Variants in SV2C observed in about 807,000 individuals in gnomAD.
The protein encoded by SV2C is solute carrier family 22 member B3.
In SV2C, 49 loss-of-function variants were observed where a neutral mutation model predicts 79.7. That is an observed-to-expected ratio of 0.61 (90% CI 0.49 to 0.78). The LOEUF (loss-of-function observed/expected upper bound fraction) is 0.78. Ranked by LOEUF, SV2C falls within the 30% of genes least tolerant of loss-of-function variation. The pLI, the probability that SV2C is intolerant of heterozygous loss-of-function variation, is 0.00. For synonymous variants in SV2C, 334 were observed against 333.2 expected, an observed-to-expected ratio of 1.00 and a Z score of -0.03; for missense variants, 833 against 912.9, an observed-to-expected ratio of 0.91 and a Z score of 1.13.
chr5:76,094,065 T>C (rs1173101952), intron 1 of SV2C, among the ~76,000 whole-genome samples: 2 of 152,146 alleles, frequency 1.3e-5, no homozygotes, highest in Non-Finnish European at 2.9e-5. Flanking sequence ...GGCAAAATGG[T>C]GAGACTCTGT....
At chr5:76,315,511 T>A (rs1298804894) in intron 12 of SV2C, among the ~76,000 whole-genome samples, 2 of 152,048 alleles carry the variant, frequency 1.3e-5, no homozygotes, top group Non-Finnish European at 2.9e-5. Flanking sequence ...TGGTGCTGAG[T>A]GACTACAAAG....
At chr5:76,110,660 G>A (rs758373459) in intron 1 of SV2C, among the ~76,000 whole-genome samples, 3 of 152,246 alleles carry the variant, frequency 2.0e-5, no homozygotes, top group Non-Finnish European at 2.9e-5. Flanking sequence ...CTGGGCACAG[G>A]AGCCAGCCTA....
intron 2 of SV2C, among the ~76,000 whole-genome samples, chr5:76,153,926 TCAC>T (rs1159916366): frequency 6.6e-6 from 1 of 152,158 alleles, no homozygotes; most frequent in East Asian, 1.9e-4. Flanking sequence ...ACTGTGATCA[TCAC>T]TTTTCCAGAG....
At chr5:76,320,131 G>C (rs1220652467) in intron 12 of SV2C, among the ~76,000 whole-genome samples, 4 of 150,394 alleles carry the variant, frequency 2.7e-5, no homozygotes, top group Non-Finnish European at 5.9e-5. Flanking sequence ...GGGCAACATA[G>C]CAATAGCCTC....
chr5:75,925,221 G>GT, the SV2C span, among the ~76,000 whole-genome samples: 1 of 152,190 alleles, frequency 6.6e-6, no homozygotes, highest in Non-Finnish European at 1.5e-5. Flanking sequence ...CCAGTGGGCA[G>GT]TAAGGCCGGA....
chr5:76,146,530 A>G (rs1381245166), intron 2 of SV2C, among the ~76,000 whole-genome samples: 1 of 152,116 alleles, frequency 6.6e-6, no homozygotes, highest in African/African-American at 2.4e-5. Flanking sequence ...TCTCGTCACC[A>G]TCTTGGTTTT....
chr5:76,252,165 A>C (rs1177276148), intron 4 of SV2C, among the ~76,000 whole-genome samples: 1 of 152,118 alleles, frequency 6.6e-6, no homozygotes, highest in East Asian at 1.9e-4. Flanking sequence ...TGTCTCCCAG[A>C]CTGGAGTACA....
At chr5:75,875,037 A>G in the SV2C span, among the ~76,000 whole-genome samples, 2 of 152,174 alleles carry the variant, frequency 1.3e-5, no homozygotes, top group Admixed American at 1.3e-4. Context: ...GACATTCTTC[A>G]AATAACAAAC....
chr5:76,152,921 C>T (rs1404853533), intron 2 of SV2C, among the ~76,000 whole-genome samples: 2 of 152,210 alleles, frequency 1.3e-5, no homozygotes, highest in Non-Finnish European at 2.9e-5. Context: ...CATATTTTTT[C>T]TGCCAAAAGG....
chr5:76,200,288 T>G (rs1400370887), intron 3 of SV2C, among the ~76,000 whole-genome samples: 1 of 152,208 alleles, frequency 6.6e-6, no homozygotes, highest in Non-Finnish European at 1.5e-5. Context: ...ATCCCCACAT[T>G]TAATTGGTAC....
chr5:76,084,756 A>G (rs1431243066), intron 1 of SV2C, among the ~76,000 whole-genome samples: 3 of 151,700 alleles, frequency 2.0e-5, no homozygotes, highest in Admixed American at 2.0e-4. Flanking sequence ...TGTGTGCGTC[A>G]AAAGCTCTGG....
chr5:75,922,084 TATATATTAAAAATATGTATAGTTTAC>T, the SV2C span, among the ~76,000 whole-genome samples: 1 of 152,104 alleles, frequency 6.6e-6, no homozygotes, highest in Non-Finnish European at 1.5e-5. Context: ...AGATAAATGA[TATATATTAAAAATATGTATAGTTTAC>T]ATATATTTTA....
the SV2C span, among the ~76,000 whole-genome samples, chr5:75,957,621 A>T: frequency 6.6e-6 from 1 of 152,066 alleles, no homozygotes; most frequent in Non-Finnish European, 1.5e-5. Context: ...TCAGCTTGAC[A>T]TTCCACATAA....
At chr5:76,088,619 G>T (rs1470243377) in intron 1 of SV2C, among the ~76,000 whole-genome samples, 1 of 152,120 alleles carries the variant, frequency 6.6e-6, no homozygotes, top group Admixed American at 6.5e-5. Flanking sequence ...CTATCACACT[G>T]GGGAGTAAGT....
the SV2C span, among the ~76,000 whole-genome samples, chr5:76,067,178 T>C: frequency 7.5e-4 from 115 of 152,338 alleles, no homozygotes; most frequent in African/African-American, 2.6e-3. Flanking sequence ...GAGTATTTCT[T>C]CATTACTCAT....
chr5:76,310,556 A>G (rs1748400437), intron 12 of SV2C, among the ~76,000 whole-genome samples: 2 of 152,176 alleles, frequency 1.3e-5, no homozygotes, highest in Non-Finnish European at 2.9e-5. Context: ...GTAAAATGAA[A>G]TCCAATGTGG....
chr5:76,036,371 A>G, the SV2C span, among the ~76,000 whole-genome samples: 1 of 152,192 alleles, frequency 6.6e-6, no homozygotes, highest in Non-Finnish European at 1.5e-5. Context: ...ATGATTTTGC[A>G]GCAGCTGGTA....
chr5:75,977,650 C>G, the SV2C span, among the ~76,000 whole-genome samples: 1 of 152,176 alleles, frequency 6.6e-6, no homozygotes, highest in Non-Finnish European at 1.5e-5. Flanking sequence ...TGAAAGGGAG[C>G]CTCACTCAGA....
chr5:76,344,203 C>T (rs1561327448), intron 12 of SV2C, among the ~76,000 whole-genome samples: 1 of 152,154 alleles, frequency 6.6e-6, no homozygotes, highest in Non-Finnish European at 1.5e-5. Context: ...TTTACCTCAG[C>T]TTCCAAAATA....
Sources: gnomAD v4.1 joint callset for allele counts (sites outside exome capture counted in the v4.1 genomes callset) on GRCh38, gnomAD v4.1.1 for gene constraint, MANE v1.5 for transcripts, NCBI Gene and HGNC (gene_info 2026-07-23, HGNC 2026-07-21) for gene names.